Variants in OS9 observed in about 807,000 individuals in gnomAD.
OS9 encodes the protein OS9 endoplasmic reticulum lectin.
In OS9, 58 loss-of-function variants were observed where a neutral mutation model predicts 84.7. The observed-to-expected ratio is 0.68, with a 90% CI of 0.55 to 0.85. OS9 has a LOEUF of 0.85. Ranked by LOEUF, OS9 falls within the 40% of genes least tolerant of loss-of-function variation. The pLI is 0.00. For missense variants in OS9, 760 were observed against 850.9 expected, an observed-to-expected ratio of 0.89 and a Z score of 1.33; for synonymous variants, 278 against 320.8, an observed-to-expected ratio of 0.87 and a Z score of 1.43.
At position 57,716,468 on chromosome 12, in the gene OS9, G is replaced by A; in HGVS notation, c.949G>A (p.Glu317Lys). ...CTCAGATTTCTGGAAGATGCTTAAT[G>A]AGCCAGAGGACCAGGCCCCAGGAGG... ...KDSDFWKMLN[E>K]PEDQAPGGEE... is the part of the protein sequence containing the mutation. Residue 317 changes from glutamate to lysine, a missense_variant, in exon 8 of 15, where the codon GAG becomes AAG. By Grantham distance (56) the Glu-to-Lys change is moderately conservative. Transcript: ENST00000315970. 6.4e-7 allele frequency: 1 copy of A among 1,573,468 alleles called. No individual in the cohort carries two copies. The highest frequency in any genetic ancestry group is 8.6e-7 in the Non-Finnish European group (1 of 1,158,652).
rs775125328 is a variant in OS9, at chr12:57,696,376, G to A, written c.579+3G>A. The A allele has an allele frequency of 1.3e-6, 2 of 1,505,734 alleles. No individual in the cohort carries two copies. The highest frequency in any genetic ancestry group is 1.8e-6 in the Non-Finnish European group (2 of 1,113,712). 93.3% of individuals were successfully genotyped at this position (1,505,734 alleles called of 1,614,324 possible). ...GGCCCCGGGAGGCCGAGGTTCGGGT[G>A]AGTCTTGAGAGAGGGAAGTTGACAC... On this transcript the variant is annotated splice_donor_region_variant and intron_variant, in intron 5 of 14. Coordinates refer to ENST00000315970, the MANE Select transcript of OS9 (RefSeq NM_006812.4).
intron 5 of OS9, among the ~76,000 whole-genome samples, chr12:57,701,635 T>C (rs1954029093): frequency 6.6e-6 from 1 of 152,112 alleles, no homozygotes; most frequent in Non-Finnish European, 1.5e-5. Context: ...ATTCCTCTGT[T>C]GATAAACAGT....
At chr12:57,704,164 A>G (rs1954101589) in intron 5 of OS9, among the ~76,000 whole-genome samples, 1 of 152,222 alleles carries the variant, frequency 6.6e-6, no homozygotes, top group Non-Finnish European at 1.5e-5. Context: ...AACATAAATC[A>G]TGATGTATAA....
At chr12:57,715,008 GT>G (rs1026246374) in intron 5 of OS9, among the ~76,000 whole-genome samples, 2 of 152,036 alleles carry the variant, frequency 1.3e-5, no homozygotes. Context: ...ATTGTTTGAA[GT>G]TTTTTACCAT....
At chr12:57,718,447 C>T (rs1443851577) in intron 11 of OS9, 26 bp downstream of exon 11, 1 of 1,602,028 alleles carries the variant, frequency 6.2e-7, no homozygotes, top group East Asian at 2.2e-5. Context: ...CCTCCTGTTG[C>T]TTCCACAGCC....
chr12:57,707,929 G>GA (rs75903865), intron 5 of OS9, among the ~76,000 whole-genome samples: 32,863 of 141,588 alleles, frequency 0.23, 4,646 homozygotes, highest in East Asian at 0.59. Flanking sequence ...TGTCTCTATG[G>GA]AAAAAAAAAA....
chr12:57,715,802 G>C lies in OS9; in HGVS notation c.622G>C (p.Asp208His), dbSNP rs1232192355. 4 of 1,613,658 alleles carry C rather than the reference G, an allele frequency of 2.5e-6. No homozygotes were observed. Among genetic ancestry groups the C allele is most frequent in the Non-Finnish European group, 3.4e-6 (4 of 1,179,794 alleles). Reference sequence around the variant, plus strand: ...TGCAGGTATCTCTGGGGACTACATCGATCGCGTGGACGAGCCCTTGTCCTG... The same window carrying C: ...TGCAGGTATCTCTGGGGACTACATCCATCGCGTGGACGAGCCCTTGTCCTG... ...EGAGISGDYI[D>H]RVDEPLSCSY... is the part of the protein sequence containing the mutation. Residue 208 changes from aspartate (D) to histidine (H), a missense_variant, in exon 6 of 15, where the codon GAT (aspartate) becomes CAT (histidine). Physicochemically the swap from Asp to His is moderately conservative, Grantham distance 81. Transcript: ENST00000315970.
intron 5 of OS9, among the ~76,000 whole-genome samples, chr12:57,714,496 C>T (rs184182231): frequency 6.3e-4 from 95 of 151,540 alleles, no homozygotes; most frequent in East Asian, 2.6e-3. Flanking sequence ...TGAGCCACCG[C>T]GCCCAGCCAT....
chr12:57,701,068 G>A (rs140353670), intron 5 of OS9, among the ~76,000 whole-genome samples: 17 of 30,150 alleles, frequency 5.6e-4, no homozygotes, highest in African/African-American at 1.8e-3. Context: ...TTCATATTTA[G>A]TCACTCTCCC....
intron 5 of OS9, among the ~76,000 whole-genome samples, chr12:57,703,786 C>T (rs745394581): frequency 6.6e-6 from 1 of 151,814 alleles, no homozygotes; most frequent in African/African-American, 2.4e-5. Context: ...ATAAAAAACA[C>T]CATTGGATGC....
At chr12:57,717,319 A>G (rs564714072) in intron 9 of OS9, among the ~76,000 whole-genome samples, 5 of 152,328 alleles carry the variant, frequency 3.3e-5, no homozygotes, top group African/African-American at 1.2e-4. Context: ...GGTAAATCCT[A>G]GAGGCAGGGA....
intron 9 of OS9, 78 bp from the exon 10 acceptor site, chr12:57,717,792 C>CAAAAAA (rs59663591): frequency 3.3e-5 from 14 of 429,018 alleles, no homozygotes; most frequent in South Asian, 1.8e-4. Flanking sequence ...GACTCTGTCT[C>CAAAAAA]AAAAAAAAAA....
rs1954509050 is a variant in OS9 at position 57,716,682 on chromosome 12, C to G, written c.994-11C>G. On this transcript the variant is annotated splice_polypyrimidine_tract_variant and intron_variant, in intron 8 of 14. Coordinates refer to ENST00000315970, the MANE Select transcript of OS9 (RefSeq NM_006812.4). ...CTTTCATACTTGACTCTCTCCTTTT[C>G]TCCTCGTCAGGAGCAGGACCCAAGC... is the stretch of plus-strand genomic sequence containing the variant. The G allele has an allele frequency of 1.2e-6, 2 of 1,613,608 alleles. No individual in the cohort carries two copies. The highest frequency in any genetic ancestry group is 1.7e-5 in the Admixed American group (1 of 60,004).
At position 57,718,168 on chromosome 12, in the gene OS9, AGCAGCCTGTGGATGATGCT is replaced by A. The variant is rs774980880; in HGVS notation, c.1162_1180del (p.Pro388LysfsTer63). ...CAGGGGAAGCCAAATATAGGCCAAGAGCAGCCTGTGGATGATGCTGCAGAAGTCCCTCAGAGGGAACCAG... is the reference window on the plus strand; with the variant it reads ...CAGGGGAAGCCAAATATAGGCCAAGAGCAGAAGTCCCTCAGAGGGAACCAG... On this transcript the variant is annotated frameshift_variant, in exon 11 of 15. Transcript: ENST00000315970. LOFTEE classifies it high-confidence loss of function. 6.2e-7 allele frequency: 1 copy of A among 1,614,068 alleles called. No individual in the cohort carries two copies. Among genetic ancestry groups the A allele is most frequent in the East Asian group, 2.2e-5 (1 of 44,872 alleles).
intron 12 of OS9, chr12:57,719,737 A>G (rs983477433): frequency 4.4e-5 from 10 of 228,816 alleles, no homozygotes; most frequent in Non-Finnish European, 6.0e-5. Flanking sequence ...AAACATTGAA[A>G]TGTCTTTAAA....
rs1281520494 is a variant in OS9, at chr12:57,696,003, C to T, written c.445C>T (p.Gln149Ter). 1 of 1,613,492 alleles carries T rather than the reference C, an allele frequency of 6.2e-7. No homozygotes were observed. Among genetic ancestry groups the T allele is most frequent in the East Asian group, 2.2e-5 (1 of 44,894 alleles). Residue 149 changes from glutamine (Q) to a stop codon, truncating the protein, a stop_gained, in exon 4 of 15, where the codon CAA becomes TAA. Transcript: ENST00000315970. LOFTEE classifies it high-confidence loss of function. The part of the protein sequence containing the change: ...KGEVLYLGYY[Q>*]SAFDWDDETA... Reference sequence around the variant, plus strand: ...TGAAGTCCTCTATCTCGGCTACTACCAATCAGCCTTCGACTGGGATGATGA... The same window carrying T: ...TGAAGTCCTCTATCTCGGCTACTACTAATCAGCCTTCGACTGGGATGATGA...
intron 12 of OS9, 163 bp downstream of exon 12, chr12:57,719,345 A>G: frequency 1.6e-6 from 1 of 614,762 alleles, no homozygotes; most frequent in African/African-American, 1.9e-5. Context: ...CAACACCATC[A>G]TCCCTTTGCG....
At chr12:57,716,279 T>TGGGGG (rs141328077) in intron 7 of OS9, 86 bp downstream of exon 7, 252 of 510,110 alleles carry the variant, frequency 4.9e-4, no homozygotes, top group African/African-American at 9.3e-4. Context: ...ACTGGTGGGG[T>TGGGGG]GGGGGGGGGT....
chr12:57,696,160 G>T, intron 4 of OS9, 115 bp from the exon 5 acceptor site: 6 of 1,216,822 alleles, frequency 4.9e-6, no homozygotes, highest in Non-Finnish European at 7.3e-6. Context: ...TTAGGACAAA[G>T]TTTCCTGGGG....
Sources: allele counts gnomAD v4.1 joint callset (sites outside exome capture counted in the v4.1 genomes callset), GRCh38; gene constraint gnomAD v4.1.1; transcripts MANE v1.5; gene names NCBI Gene and HGNC (gene_info 2026-07-23, HGNC 2026-07-21).